Variants in BMP6 observed in about 807,000 individuals in gnomAD.
BMP6 encodes the protein bone morphogenetic protein 6, also known as VG-1-R.
Under a neutral mutation model 54.1 loss-of-function variants are expected in BMP6, and 17 were observed. That is an observed-to-expected ratio of 0.31 (90% confidence interval 0.22 to 0.47). BMP6 has a LOEUF of 0.47. BMP6 is among the 20% of genes least tolerant of loss of function. The pLI is 1.00. For missense variants in BMP6, 720 were observed against 690.4 expected (o/e 1.04, Z -0.48); for synonymous variants, 328 against 291.2 (o/e 1.13, Z -1.28).
intron 1 of BMP6, among the ~76,000 whole-genome samples, chr6:7,769,785 C>T (rs1561766288): frequency 6.6e-6 from 1 of 152,200 alleles, no homozygotes; most frequent in Non-Finnish European, 1.5e-5. Context: ...TTGAGTCCTA[C>T]CGCATGTCTG....
At chr6:7,735,396 C>G (rs1218718479) in intron 1 of BMP6, among the ~76,000 whole-genome samples, 1 of 152,112 alleles carries the variant, frequency 6.6e-6, no homozygotes, top group African/African-American at 2.4e-5. Context: ...TTCTCTGAGA[C>G]CAGTTATTTT....
intron 1 of BMP6, among the ~76,000 whole-genome samples, chr6:7,771,575 G>GGACATT (rs1757787868): frequency 1.3e-5 from 2 of 152,168 alleles, no homozygotes; most frequent in South Asian, 4.1e-4. Context: ...GTGGTGGAGC[G>GGACATT]GACATTAAGC....
chr6:7,859,623 C>T (rs1052928069), intron 2 of BMP6, among the ~76,000 whole-genome samples: 5 of 152,136 alleles, frequency 3.3e-5, no homozygotes, highest in Non-Finnish European at 5.9e-5. Flanking sequence ...TTACATCTGA[C>T]TTCAAAGCCT....
Position 7,848,389 on chromosome 6 carries a change from C to T in BMP6, c.857+3057C>T, listed in dbSNP as rs182688130. Among the ~76,000 whole-genome samples the T allele has an allele frequency of 4.9e-3, 751 of 152,282 alleles. 4 individuals are homozygous for T. The highest frequency in any genetic ancestry group is 6.8e-3 in the Middle Eastern group (2 of 294). On this transcript the variant is annotated intron_variant, in intron 2 of 6. Coordinates refer to ENST00000283147, the MANE Select transcript of BMP6 (RefSeq NM_001718.6). ...TCTTTGAGATATTTTTCAGAGTTAG[C>T]ATTTCAGCAGACCACGAGATACCAC...
At chr6:7,764,758 G>A (rs1188292283) in intron 1 of BMP6, among the ~76,000 whole-genome samples, 2 of 152,180 alleles carry the variant, frequency 1.3e-5, no homozygotes, top group African/African-American at 2.4e-5. Flanking sequence ...TGGGACTACA[G>A]GTATGCGCCC....
intron 4 of BMP6, among the ~76,000 whole-genome samples, chr6:7,866,496 C>T (rs1759426825): frequency 6.6e-6 from 1 of 152,216 alleles, no homozygotes; most frequent in African/African-American, 2.4e-5. Flanking sequence ...CAATCCATGA[C>T]AAGGTCCATG....
intron 1 of BMP6, among the ~76,000 whole-genome samples, chr6:7,761,721 G>T (rs951133731): frequency 6.6e-6 from 1 of 152,162 alleles, no homozygotes; most frequent in African/African-American, 2.4e-5. Flanking sequence ...CTTCAAAAAG[G>T]CTTCATTGAT....
At chr6:7,834,673 C>T (rs1484719421) in intron 1 of BMP6, among the ~76,000 whole-genome samples, 1 of 149,344 alleles carries the variant, frequency 6.7e-6, no homozygotes, top group Non-Finnish European at 1.5e-5. Flanking sequence ...AGGTGCCAAC[C>T]CAAAAAAAAT....
intron 1 of BMP6, among the ~76,000 whole-genome samples, chr6:7,826,155 CCTT>C (rs1758695153): frequency 6.6e-6 from 1 of 152,154 alleles, no homozygotes; most frequent in African/African-American, 2.4e-5. Flanking sequence ...TGTTATGTGT[CCTT>C]CTCTCTCTGT....
intron 1 of BMP6, among the ~76,000 whole-genome samples, chr6:7,767,831 T>C (rs1009567501): frequency 5.9e-5 from 9 of 152,196 alleles, no homozygotes; most frequent in African/African-American, 2.2e-4. Context: ...CTGGACATGA[T>C]ATCCTAGGTG....
intron 1 of BMP6, among the ~76,000 whole-genome samples, chr6:7,735,260 T>C (rs1195095653): frequency 6.6e-6 from 1 of 152,240 alleles, no homozygotes; most frequent in Non-Finnish European, 1.5e-5. Context: ...GTCCTGTTGG[T>C]TTCCTGTACG....
At chr6:7,740,892 C>A (rs561076381) in intron 1 of BMP6, among the ~76,000 whole-genome samples, 9 of 152,328 alleles carry the variant, frequency 5.9e-5, no homozygotes, top group African/African-American at 1.9e-4. Context: ...ACTGGTCTCT[C>A]TGCTGTGAAT....
At chr6:7,856,120 T>TAAAAAAAAAA (rs56264814) in intron 2 of BMP6, among the ~76,000 whole-genome samples, 3 of 83,664 alleles carry the variant, frequency 3.6e-5, no homozygotes, top group East Asian at 1.0e-3. Context: ...TCAAAGACTG[T>TAAAAAAAAAA]AAAAAAAAAA....
At chr6:7,727,741 G>T in intron 1 of BMP6, 122 bp downstream of exon 1, 1 of 1,204,248 alleles carries the variant, frequency 8.3e-7, no homozygotes, top group Non-Finnish European at 1.1e-6. Context: ...GTGCGCCAGA[G>T]AACGCGGGGA....
chr6:7,778,436 C>T (rs991958204), intron 1 of BMP6, among the ~76,000 whole-genome samples: 2 of 151,724 alleles, frequency 1.3e-5, no homozygotes, highest in African/African-American at 4.8e-5. Flanking sequence ...CAGTGCCTTG[C>T]CCGAAGTCAC....
intron 1 of BMP6, among the ~76,000 whole-genome samples, chr6:7,789,192 G>A (rs907189774): frequency 2.6e-5 from 4 of 152,088 alleles, no homozygotes; most frequent in Non-Finnish European, 5.9e-5. Context: ...CTAGCCCTAC[G>A]TCTCCCCAAA....
intron 1 of BMP6, among the ~76,000 whole-genome samples, chr6:7,734,055 G>C (rs1761916441): frequency 6.6e-6 from 1 of 152,134 alleles, no homozygotes; most frequent in Non-Finnish European, 1.5e-5. Context: ...CTAGTGTTTT[G>C]AAGATTTTGT....
At chr6:7,797,321 A>G (rs1043545287) in intron 1 of BMP6, among the ~76,000 whole-genome samples, 2 of 152,192 alleles carry the variant, frequency 1.3e-5, no homozygotes, top group Non-Finnish European at 1.5e-5. Flanking sequence ...CACACAAAAC[A>G]TGAGCTGTTA....
At chr6:7,766,674 A>T (rs947411588) in intron 1 of BMP6, among the ~76,000 whole-genome samples, 3 of 152,230 alleles carry the variant, frequency 2.0e-5, no homozygotes, top group South Asian at 4.1e-4. Context: ...TATGTAATTC[A>T]TAGACAATTT....
Sources: allele counts gnomAD v4.1 joint callset (sites outside exome capture counted in the v4.1 genomes callset), GRCh38; gene constraint gnomAD v4.1.1; transcripts MANE v1.5; gene names NCBI Gene and HGNC (gene_info 2026-07-23, HGNC 2026-07-21).